NHS: variants seen among roughly 807,000 people sequenced by gnomAD.
NHS encodes actin remodeling regulator NHS.
Under a neutral mutation model 72.5 loss-of-function variants are expected in NHS, and 5 were observed. The ratio of observed to expected loss-of-function variants is 0.07; its 90% CI spans 0.04 to 0.14. The LOEUF (loss-of-function observed/expected upper bound fraction) is 0.14. Ranked by LOEUF, NHS falls within the 10% of genes least tolerant of loss-of-function variation. The pLI is 1.00. For synonymous variants in NHS, 464 were observed against 547.7 expected, an observed-to-expected ratio of 0.85 and a Z score of 2.13; for missense variants, 1,072 against 1,355.7, an observed-to-expected ratio of 0.79 and a Z score of 3.29.
chrX:17,532,820 C>T (rs1437854535), intron 1 of NHS, among the ~76,000 whole-genome samples: 3 of 111,788 alleles, frequency 2.7e-5, no homozygotes, highest in South Asian at 7.6e-4. Flanking sequence ...AACCCTGGCC[C>T]GGCCACTTAC....
chrX:17,647,017 C>T (rs758854471), intron 1 of NHS, among the ~76,000 whole-genome samples: 2 of 111,499 alleles, frequency 1.8e-5, no homozygotes, highest in East Asian at 2.8e-4. Context: ...AAGTCATAGA[C>T]GTATAGATAT....
intron 1 of NHS, among the ~76,000 whole-genome samples, chrX:17,558,367 G>C (rs1315668004): frequency 8.9e-6 from 1 of 112,115 alleles, no homozygotes; most frequent in African/African-American, 3.2e-5. Context: ...TAGATTTAGA[G>C]AGATGTCAGT....
rs767025054 is a variant in NHS at position 17,608,654 on chromosome X, C to T, written c.566-79088C>T. 2.6e-4 allele frequency among the ~76,000 whole-genome samples: 28 copies of T among 109,472 alleles called. No homozygotes were observed. In the South Asian group the frequency reaches 0.011, roughly 43 times the overall value. On this transcript the variant is annotated intron_variant, in intron 1 of 8. Transcript: ENST00000676302. Reference sequence around the variant, plus strand: ...GCTTTGTGTGGCTATACTATGACTGCAGAAACAATGAAAAGACTTTTTTTT... The same window carrying T: ...GCTTTGTGTGGCTATACTATGACTGTAGAAACAATGAAAAGACTTTTTTTT...
At chrX:17,405,646 T>C (rs958374614) in intron 1 of NHS, among the ~76,000 whole-genome samples, 2 of 109,410 alleles carry the variant, frequency 1.8e-5, no homozygotes, top group Admixed American at 2.3e-4. Flanking sequence ...TGAATTTTCA[T>C]TTTTTGGAGA....
intron 1 of NHS, among the ~76,000 whole-genome samples, chrX:17,403,902 C>T (rs1480658427): frequency 9.0e-6 from 1 of 111,161 alleles, no homozygotes; most frequent in Non-Finnish European, 1.9e-5. Flanking sequence ...GATTGAAGCC[C>T]CCTCCCCACT....
At chrX:17,721,361 T>A in intron 4 of NHS, 80 bp from the exon 5 acceptor site, 1 of 1,039,468 alleles carries the variant, frequency 9.6e-7, no homozygotes, top group South Asian at 1.9e-5. Context: ...TCATTTTTTC[T>A]TCTCTAAACT....
chrX:17,699,365 G>C (rs2066248964), intron 3 of NHS, among the ~76,000 whole-genome samples: 1 of 111,856 alleles, frequency 8.9e-6, no homozygotes, highest in East Asian at 2.8e-4. Flanking sequence ...AGATATATCA[G>C]TAGAATAAAA....
At chrX:17,535,298 G>A (rs1325295719) in intron 1 of NHS, among the ~76,000 whole-genome samples, 1 of 111,398 alleles carries the variant, frequency 9.0e-6, no homozygotes, top group Non-Finnish European at 1.9e-5. Context: ...ACAATGATTT[G>A]TTGCATGGGA....
At chrX:17,637,206 G>A (rs1475697612) in intron 1 of NHS, among the ~76,000 whole-genome samples, 1 of 112,119 alleles carries the variant, frequency 8.9e-6, no homozygotes, top group Non-Finnish European at 1.9e-5. Flanking sequence ...CAGCCAGATA[G>A]TCTTTATTTA....
intron 1 of NHS, among the ~76,000 whole-genome samples, chrX:17,437,170 G>A (rs751297872): frequency 1.8e-5 from 2 of 111,495 alleles, no homozygotes; most frequent in South Asian, 7.7e-4. Context: ...CACTTTGTGT[G>A]TGTCTCCAGC....
chrX:17,728,894 A>G lies in NHS; in HGVS notation c.4349+119A>G, dbSNP rs979919913. 3 of 941,313 alleles carry G rather than the reference A, an allele frequency of 3.2e-6. No individual in the cohort carries two copies. The African/African-American group carries it at 5.8e-5, about 18-fold the overall frequency. 77.6% of individuals were successfully genotyped at this position (941,313 alleles called of 1,213,427 possible). On this transcript the variant is annotated intron_variant, in intron 8 of 8. Transcript: ENST00000676302. ...TTTTGTAATTGTAATACATTCAGCA[A>G]AAACAAAAGCAAGCAAAGAATAATT...
chrX:17,673,217 C>CAT (rs1368890384), intron 1 of NHS, among the ~76,000 whole-genome samples: 17 of 98,525 alleles, frequency 1.7e-4, no homozygotes, highest in Admixed American at 6.1e-4. Flanking sequence ...CACACACACA[C>CAT]ACACACACAC....
chrX:17,701,733 T>C (rs1235931610), intron 3 of NHS, among the ~76,000 whole-genome samples: 1 of 110,780 alleles, frequency 9.0e-6, no homozygotes, highest in Admixed American at 9.7e-5. Flanking sequence ...AGATATTTGA[T>C]ATGTGTGTGT....
At position 17,561,574 on chromosome X, in the gene NHS, GCACACACACA is replaced by G. The variant is rs530971006; in HGVS notation, c.566-126131_566-126122del. ...CAAGTGCATGCGCGCGCGCGCGCGCGCACACACACACACACACACACACACACACACACAC... is the reference window on the plus strand; with the variant it reads ...CAAGTGCATGCGCGCGCGCGCGCGCGCACACACACACACACACACACACAC... On this transcript the variant is annotated intron_variant, in intron 1 of 8. Coordinates refer to ENST00000676302, the MANE Select transcript of NHS (RefSeq NM_001291867.2). Among the ~76,000 whole-genome samples, 197 of 65,397 alleles carry G rather than the reference GCACACACACA, an allele frequency of 3.0e-3. 3 individuals are homozygous for G. The East Asian group carries it at 0.038, about 13-fold the overall frequency. 56.8% of individuals were successfully genotyped at this position (65,397 alleles called of 115,157 possible).
At chrX:17,434,722 C>T (rs761608123) in intron 1 of NHS, among the ~76,000 whole-genome samples, 5 of 111,032 alleles carry the variant, frequency 4.5e-5, no homozygotes, top group Non-Finnish European at 7.6e-5. Flanking sequence ...GGATTATAGC[C>T]GTGAGCCACC....
chrX:17,394,015 G>A (rs931650911), intron 1 of NHS, among the ~76,000 whole-genome samples: 2 of 111,403 alleles, frequency 1.8e-5, no homozygotes, highest in Admixed American at 9.5e-5. Context: ...CCCCCCCACC[G>A]CACCCTCAGC....
intron 1 of NHS, among the ~76,000 whole-genome samples, chrX:17,561,570 G>GCACACACACACA (rs1365009034): frequency 8.4e-4 from 53 of 63,150 alleles, no homozygotes; most frequent in African/African-American, 3.6e-3. Flanking sequence ...GCGCGCGCGC[G>GCACACACACACA]CGCGCACACA....
intron 1 of NHS, among the ~76,000 whole-genome samples, chrX:17,439,120 T>TG (rs1370852210): frequency 1.2e-3 from 71 of 59,136 alleles, no homozygotes; most frequent in Non-Finnish European, 1.7e-3. Flanking sequence ...ATAGCAGGGG[T>TG]GGGGGGTGGG....
chrX:17,387,616 G>A (rs183812041), intron 1 of NHS, among the ~76,000 whole-genome samples: 2 of 112,340 alleles, frequency 1.8e-5, no homozygotes, highest in East Asian at 5.6e-4. Flanking sequence ...CTCAGTTTGA[G>A]TAACATTGGC....
Sources: gnomAD v4.1 joint callset for allele counts (sites outside exome capture counted in the v4.1 genomes callset) on GRCh38, gnomAD v4.1.1 for gene constraint, MANE v1.5 for transcripts, NCBI Gene and HGNC (gene_info 2026-07-23, HGNC 2026-07-21) for gene names.